The following RAB5A variants were observed in gnomAD, a reference collection of about 807,000 sequenced individuals.
The protein encoded by RAB5A is ras-related protein Rab-5A.
Under a neutral mutation model 25.7 loss-of-function variants are expected in RAB5A, and 8 were observed. That is an observed-to-expected ratio of 0.31 (90% CI 0.18 to 0.56). The LOEUF is 0.56. Among genes scored for constraint, RAB5A ranks in the 20% least tolerant of loss-of-function variants. The pLI is 0.91. For synonymous variants in RAB5A, 98 were observed against 89.8 expected (o/e 1.09, Z -0.52); for missense variants, 192 against 259.7 (o/e 0.74, Z 1.79).
intron 2 of RAB5A, among the ~76,000 whole-genome samples, chr3:19,961,140 C>T (rs1339737672): frequency 6.6e-6 from 1 of 152,104 alleles, no homozygotes; most frequent in African/African-American, 2.4e-5. Context: ...AAAGATAGGA[C>T]ACTTATAATA....
At chr3:19,977,306 C>G (rs1696841038) in intron 4 of RAB5A, among the ~76,000 whole-genome samples, 1 of 152,114 alleles carries the variant, frequency 6.6e-6, no homozygotes, top group African/African-American at 2.4e-5. Flanking sequence ...GATCTCCTGA[C>G]CTTGTGATCC....
chr3:19,950,165 A>G (rs1335811708), intron 1 of RAB5A, among the ~76,000 whole-genome samples: 8 of 152,002 alleles, frequency 5.3e-5, no homozygotes, highest in Non-Finnish European at 8.8e-5. Context: ...ATTTCTGTGT[A>G]TGGTGTGCTT....
intron 2 of RAB5A, among the ~76,000 whole-genome samples, chr3:19,969,734 C>G (rs753815621): frequency 1.3e-5 from 2 of 152,172 alleles, no homozygotes; most frequent in African/African-American, 2.4e-5. Context: ...TATGGTTTCT[C>G]AGTTTTTGTA....
At chr3:19,978,185 T>C (rs1696855943) in intron 4 of RAB5A, 125 bp from the exon 5 acceptor site, 3 of 715,820 alleles carry the variant, frequency 4.2e-6, no homozygotes, top group Non-Finnish European at 7.5e-6. Context: ...TTGTTGATTA[T>C]AGATGATTAT....
At chr3:19,962,140 T>G (rs971480175) in intron 2 of RAB5A, among the ~76,000 whole-genome samples, 2 of 152,202 alleles carry the variant, frequency 1.3e-5, no homozygotes, top group African/African-American at 2.4e-5. Flanking sequence ...TTTATGACTT[T>G]GCTCCAGAAG....
chr3:19,972,884 T>C (rs1461292115), intron 2 of RAB5A, among the ~76,000 whole-genome samples: 1 of 152,162 alleles, frequency 6.6e-6, no homozygotes, highest in Non-Finnish European at 1.5e-5. Flanking sequence ...AGGCAACATC[T>C]CTAATACAGT....
At chr3:19,971,767 A>G (rs368784764) in intron 2 of RAB5A, among the ~76,000 whole-genome samples, 119 of 152,204 alleles carry the variant, frequency 7.8e-4, no homozygotes, top group African/African-American at 2.8e-3. Context: ...AAGCCACCGC[A>G]CCTGGCCCAG....
In RAB5A at chr3:19,983,590, A is replaced by G. The variant is rs1696974552; in HGVS notation, c.533-118A>G. 1.3e-5 allele frequency: 9 copies of G among 703,874 alleles called. No individual in the cohort carries two copies. The East Asian group carries it at 1.9e-4, about 15-fold the overall frequency. The allele number at this position is 703,874 out of a possible 1,614,324, so 43.6% of individuals were successfully genotyped here. On this transcript the variant is annotated intron_variant, in intron 5 of 5. Transcript: ENST00000273047. The stretch of plus-strand genomic sequence containing the variant: ...GTAAACATTTGAAAAGAATGAACAT[A>G]TGGTTATATGATACTTTGGGGGTAA...
chr3:19,982,879 A>G (rs1696957684), intron 5 of RAB5A, among the ~76,000 whole-genome samples: 1 of 152,208 alleles, frequency 6.6e-6, no homozygotes, highest in Non-Finnish European at 1.5e-5. Flanking sequence ...TTAGTTGCAC[A>G]GTAGAGGACA....
At chr3:19,970,628 A>G (rs1293198701) in intron 2 of RAB5A, 1 of 456,670 alleles carries the variant, frequency 2.2e-6, no homozygotes, top group Non-Finnish European at 4.4e-6. Context: ...TGGTGATGGA[A>G]GTGAAGAGAA....
intron 2 of RAB5A, among the ~76,000 whole-genome samples, chr3:19,972,901 T>C (rs1175035168): frequency 6.6e-6 from 1 of 152,180 alleles, no homozygotes; most frequent in Non-Finnish European, 1.5e-5. Flanking sequence ...CAGTTGGCCC[T>C]CTGAATCTGT....
At chr3:19,977,301 C>T (rs183581731) in intron 4 of RAB5A, among the ~76,000 whole-genome samples, 140 of 152,228 alleles carry the variant, frequency 9.2e-4, no homozygotes, top group African/African-American at 3.1e-3. Flanking sequence ...GTCTCGATCT[C>T]CTGACCTTGT....
chr3:19,965,834 A>C (rs753377299), intron 2 of RAB5A, among the ~76,000 whole-genome samples: 11 of 151,870 alleles, frequency 7.2e-5, no homozygotes, highest in Non-Finnish European at 1.6e-4. Context: ...CTGAGCCACA[A>C]ACCTCTCCCA....
At position 19,976,181 on chromosome 3, in the gene RAB5A, T is replaced by G. The variant is rs1453197289; in HGVS notation, c.438+12T>G. 1 of 1,598,494 alleles carries G rather than the reference T, an allele frequency of 6.3e-7. No homozygotes were observed. Among genetic ancestry groups the G allele is most frequent in the Non-Finnish European group, 8.5e-7 (1 of 1,175,544 alleles). On this transcript the variant is annotated intron_variant, in intron 4 of 5. Transcript: ENST00000273047. ...CAGTAGATTTCCAGGTATGTTAAAT[T>G]TAACTCTCATTTGAAAGGCACTTTT...
intron 1 of RAB5A, among the ~76,000 whole-genome samples, chr3:19,949,079 A>G (rs1696382425): frequency 6.6e-6 from 1 of 152,234 alleles, no homozygotes; most frequent in South Asian, 2.1e-4. Flanking sequence ...AAACTTGGAA[A>G]TTAAAGAGTT....
intron 2 of RAB5A, among the ~76,000 whole-genome samples, chr3:19,972,934 A>C (rs1696771102): frequency 6.6e-6 from 1 of 152,196 alleles, no homozygotes; most frequent in African/African-American, 2.4e-5. Flanking sequence ...TATAAATGCA[A>C]CCAACTGCAA....
chr3:19,969,750 C>T (rs1696717638), intron 2 of RAB5A, among the ~76,000 whole-genome samples: 1 of 152,098 alleles, frequency 6.6e-6, no homozygotes, highest in Non-Finnish European at 1.5e-5. Context: ...TTGTATTTTT[C>T]CCCTTTCTGT....
chr3:19,974,491 G>C (rs1229509318), intron 2 of RAB5A, among the ~76,000 whole-genome samples: 1 of 151,966 alleles, frequency 6.6e-6, no homozygotes, highest in African/African-American at 2.4e-5. Flanking sequence ...TAGAATCAGG[G>C]AAAGTACAGA....
intron 2 of RAB5A, among the ~76,000 whole-genome samples, chr3:19,967,119 G>A (rs1294726382): frequency 6.6e-6 from 1 of 151,846 alleles, no homozygotes; most frequent in African/African-American, 2.4e-5. Flanking sequence ...ATATCCGTTG[G>A]ATCAATGTTT....
Sources: gnomAD v4.1 joint callset for allele counts (sites outside exome capture counted in the v4.1 genomes callset) on GRCh38, gnomAD v4.1.1 for gene constraint, MANE v1.5 for transcripts, NCBI Gene and HGNC (gene_info 2026-07-23, HGNC 2026-07-21) for gene names.